Variants in KIAA1217 observed in about 807,000 individuals in gnomAD.
KIAA1217 encodes the protein sickle tail protein homolog.
Under a neutral mutation model 163.9 loss-of-function variants are expected in KIAA1217, and 88 were observed. The observed-to-expected ratio is 0.54, with a 90% CI of 0.45 to 0.64. The LOEUF (loss-of-function observed/expected upper bound fraction) is 0.64, where lower values mean the gene tolerates loss of function less well. Among genes scored for constraint, KIAA1217 ranks in the 30% least tolerant of loss-of-function variants. KIAA1217 has a pLI of 0.00. For missense variants in KIAA1217, 2,372 were observed against 2,475.0 expected, an observed-to-expected ratio of 0.96 and a Z score of 0.88; for synonymous variants, 903 against 923.1, an observed-to-expected ratio of 0.98 and a Z score of 0.39.
At chr10:24,193,399 T>C (rs182886302) in intron 2 of KIAA1217, among the ~76,000 whole-genome samples, 2 of 152,356 alleles carry the variant, frequency 1.3e-5, no homozygotes, top group African/African-American at 4.8e-5. Context: ...TTTCAATAGC[T>C]GCTTCAGAAG....
At chr10:24,097,048 A>G (rs534157990) in intron 2 of KIAA1217, among the ~76,000 whole-genome samples, 1 of 152,340 alleles carries the variant, frequency 6.6e-6, no homozygotes, top group Admixed American at 6.5e-5. Context: ...GCATTCGTGC[A>G]TGGAAAGACA....
intron 2 of KIAA1217, among the ~76,000 whole-genome samples, chr10:24,041,634 T>C (rs1482874342): frequency 1.3e-5 from 2 of 152,182 alleles, no homozygotes; most frequent in East Asian, 3.9e-4. Context: ...GGTTGGAAAT[T>C]ACATTCTTCT....
At chr10:24,471,681 A>G (rs536271186) in intron 5 of KIAA1217, among the ~76,000 whole-genome samples, 59 of 152,128 alleles carry the variant, frequency 3.9e-4, no homozygotes, top group African/African-American at 1.3e-3. Flanking sequence ...TCAGGAGTTC[A>G]AGACTAGCCG....
At chr10:23,705,033 C>T (rs553600455) in intron 1 of KIAA1217, among the ~76,000 whole-genome samples, 35 of 152,184 alleles carry the variant, frequency 2.3e-4, no homozygotes, top group Non-Finnish European at 3.7e-4. Context: ...ACTTGCATTT[C>T]GCTAATGACT....
intron 1 of KIAA1217, among the ~76,000 whole-genome samples, chr10:23,775,770 T>C (rs1834984534): frequency 6.6e-6 from 1 of 152,188 alleles, no homozygotes; most frequent in Non-Finnish European, 1.5e-5. Context: ...TCCGGAGTAT[T>C]GCATTAAAAT....
intron 3 of KIAA1217, among the ~76,000 whole-genome samples, chr10:24,387,253 C>T (rs562375588): frequency 3.1e-4 from 47 of 152,246 alleles, no homozygotes; most frequent in Non-Finnish European, 5.3e-4. Context: ...GTTCAACTTA[C>T]GCAAATCAAT....
intron 1 of KIAA1217, among the ~76,000 whole-genome samples, chr10:23,975,612 G>C (rs775771140): frequency 3.3e-5 from 5 of 152,130 alleles, no homozygotes; most frequent in Non-Finnish European, 7.4e-5. Flanking sequence ...AGGGTAGAAG[G>C]GACTTCCCAT....
intron 1 of KIAA1217, among the ~76,000 whole-genome samples, chr10:23,913,923 C>T (rs1842539949): frequency 6.6e-6 from 1 of 152,142 alleles, no homozygotes; most frequent in African/African-American, 2.4e-5. Context: ...ATTCATTCAG[C>T]TCTTCCTCTA....
At chr10:23,850,029 T>C (rs777112560) in intron 1 of KIAA1217, among the ~76,000 whole-genome samples, 3 of 152,118 alleles carry the variant, frequency 2.0e-5, no homozygotes, top group Non-Finnish European at 4.4e-5. Flanking sequence ...CAGGAGGCTA[T>C]TTTTAAACAC....
chr10:24,396,157 T>G (rs1404011395), intron 3 of KIAA1217, among the ~76,000 whole-genome samples: 1 of 151,888 alleles, frequency 6.6e-6, no homozygotes, highest in Non-Finnish European at 1.5e-5. Context: ...GCCAACATGG[T>G]GAAACCCTCT....
intron 1 of KIAA1217, among the ~76,000 whole-genome samples, chr10:23,785,168 C>T (rs1588799101): frequency 6.6e-6 from 1 of 152,168 alleles, no homozygotes; most frequent in East Asian, 1.9e-4. Flanking sequence ...TTCTGTCACT[C>T]TCCAGCATAA....
intron 6 of KIAA1217, chr10:24,482,807 C>T (rs1269046689): frequency 3.9e-5 from 6 of 152,308 alleles, no homozygotes; most frequent in African/African-American, 1.4e-4. Context: ...GCCACTTGAG[C>T]CCTGGAGTTC....
rs551481190 is a variant in KIAA1217, at chr10:24,219,765, G to A, written c.210G>A (p.Gly70=). 5 of 1,613,948 alleles carry A rather than the reference G, an allele frequency of 3.1e-6. No individual in the cohort carries two copies. In the Admixed American group the frequency reaches 6.7e-5, roughly 22 times the overall value. Reference sequence around the variant, plus strand: ...ATATCCCAAGGAGACACACCCTAGGGGGGCCCCGAAGTTCCAAGGAAATAC... The same window carrying A: ...ATATCCCAAGGAGACACACCCTAGGAGGGCCCCGAAGTTCCAAGGAAATAC... ...SRNIPRRHTL[G]GPRSSKEILG... The change falls in exon 2 of 21, where the codon GGG becomes GGA. Residue 70 remains glycine, a synonymous_variant. Coordinates refer to ENST00000376454, the MANE Select transcript of KIAA1217 (RefSeq NM_019590.5).
intron 1 of KIAA1217, among the ~76,000 whole-genome samples, chr10:23,934,358 C>A (rs1843382946): frequency 6.7e-6 from 1 of 148,954 alleles, no homozygotes; most frequent in Non-Finnish European, 1.5e-5. Flanking sequence ...GAGAGGGGAA[C>A]AACACACACT....
rs552558365 is a variant in KIAA1217, at chr10:24,543,247, C to T, written c.3977C>T (p.Thr1326Ile). 6.2e-7 allele frequency: 1 copy of T among 1,613,706 alleles called. No individual in the cohort carries two copies. The highest frequency in any genetic ancestry group is 8.5e-7 in the Non-Finnish European group (1 of 1,179,984). The change falls in exon 19 of 21, where the codon ACA becomes ATA. Residue 1326 changes from threonine to isoleucine, a missense_variant. Transcript: ENST00000376454. ...CACGTTTCCTCTCACACTAGACTAA[C>T]AGAATCAAGCGTGCATGATTTTAAA... ...KCHVSSHTRL[T>I]ESSVHDFKTE...
chr10:24,532,621 A>C (rs1267472441), intron 15 of KIAA1217, among the ~76,000 whole-genome samples: 2 of 152,198 alleles, frequency 1.3e-5, no homozygotes, highest in African/African-American at 4.8e-5. Context: ...ACATGGTGGC[A>C]GGCAAGAAAG....
At chr10:23,826,947 T>G (rs1012122097) in intron 1 of KIAA1217, among the ~76,000 whole-genome samples, 2 of 152,170 alleles carry the variant, frequency 1.3e-5, no homozygotes, top group Admixed American at 6.5e-5. Context: ...TGCCCTTTTA[T>G]GTAGACTCTT....
At chr10:24,362,152 A>G (rs1366930698) in intron 2 of KIAA1217, among the ~76,000 whole-genome samples, 1 of 152,148 alleles carries the variant, frequency 6.6e-6, no homozygotes, top group Non-Finnish European at 1.5e-5. Context: ...AGTCTGTGTT[A>G]GGAATTGTGT....
At chr10:24,508,184 G>A (rs2068615744) in intron 9 of KIAA1217, among the ~76,000 whole-genome samples, 1 of 151,884 alleles carries the variant, frequency 6.6e-6, no homozygotes, top group Non-Finnish European at 1.5e-5. Context: ...ATTATCCTGG[G>A]GTTTTATTCC....
Sources: allele counts gnomAD v4.1 joint callset (sites outside exome capture counted in the v4.1 genomes callset), GRCh38; gene constraint gnomAD v4.1.1; transcripts MANE v1.5; gene names NCBI Gene and HGNC (gene_info 2026-07-23, HGNC 2026-07-21).